The following ITGBL1 variants were observed in gnomAD, a reference collection of about 807,000 sequenced individuals.
ITGBL1 encodes the protein integrin subunit beta like 1.
In ITGBL1, 51 loss-of-function variants were observed where a neutral mutation model predicts 68.5. The observed-to-expected ratio is 0.74, with a 90% CI of 0.59 to 0.94. The LOEUF (loss-of-function observed/expected upper bound fraction) is 0.94. Among genes scored for constraint, ITGBL1 ranks in the 40% least tolerant of loss-of-function variants. The probability of loss-of-function intolerance (pLI) is 0.00; values close to 1 mark genes in which losing one functional copy is unlikely to be tolerated. For synonymous variants in ITGBL1, 209 were observed against 227.3 expected, an observed-to-expected ratio of 0.92 and a Z score of 0.72; for missense variants, 649 against 647.4, an observed-to-expected ratio of 1.00 and a Z score of -0.03.
intron 3 of ITGBL1, among the ~76,000 whole-genome samples, chr13:101,574,801 C>T (rs914587465): frequency 1.4e-4 from 22 of 151,978 alleles, no homozygotes; most frequent in Admixed American, 3.9e-4. Context: ...GCCTCTCTAA[C>T]GTGGAGGTCC....
chr13:101,660,124 A>C (rs989694673), intron 7 of ITGBL1, among the ~76,000 whole-genome samples: 1 of 152,224 alleles, frequency 6.6e-6, no homozygotes, highest in Admixed American at 6.5e-5. Flanking sequence ...AAGTTAATTC[A>C]TGGAGACCAT....
At chr13:101,642,963 G>A (rs2032434234) in intron 7 of ITGBL1, among the ~76,000 whole-genome samples, 2 of 148,630 alleles carry the variant, frequency 1.3e-5, no homozygotes, top group African/African-American at 2.5e-5. Flanking sequence ...TTTGGTTACT[G>A]TAGCCTTGTA....
chr13:101,489,894 G>A, intron 2 of ITGBL1: 1 of 1,019,086 alleles, frequency 9.8e-7, no homozygotes. Context: ...GTGGACTAAA[G>A]GTTAGTGTGA....
intron 2 of ITGBL1, among the ~76,000 whole-genome samples, chr13:101,472,531 T>C (rs1386362316): frequency 6.6e-6 from 1 of 152,218 alleles, no homozygotes; most frequent in African/African-American, 2.4e-5. Context: ...GCAGTCAACA[T>C]ATTATTATTC....
In ITGBL1 at chr13:101,715,870, T is replaced by C. The variant is rs957014460; in HGVS notation, c.*216T>C. 6 of 441,358 alleles carry C rather than the reference T, an allele frequency of 1.4e-5. No homozygotes were observed. The highest frequency in any genetic ancestry group is 2.4e-5 in the Non-Finnish European group (6 of 245,724). 27.3% of individuals were successfully genotyped at this position (441,358 alleles called of 1,614,324 possible). A position where few individuals can be genotyped will look rare whatever the true frequency, so the allele number is the denominator to read the frequency against. On this transcript the variant is annotated 3_prime_UTR_variant, in exon 11 of 11. Coordinates refer to ENST00000376180, the MANE Select transcript of ITGBL1 (RefSeq NM_004791.3). ...TTAGAAAAAAAAGATTCTTCCATAA[T>C]TAACATAAGTGGTTCCTAACGAGAG...
intron 7 of ITGBL1, among the ~76,000 whole-genome samples, chr13:101,655,802 G>A (rs2032903337): frequency 6.6e-6 from 1 of 152,202 alleles, no homozygotes; most frequent in Non-Finnish European, 1.5e-5. Context: ...AATTGGCAAT[G>A]CCCAAAGAGA....
At chr13:101,517,492 A>G (rs2049214468) in intron 2 of ITGBL1, among the ~76,000 whole-genome samples, 1 of 152,198 alleles carries the variant, frequency 6.6e-6, no homozygotes, top group East Asian at 1.9e-4. Context: ...CTGGGATTCA[A>G]CCAGACCTCA....
intron 2 of ITGBL1, among the ~76,000 whole-genome samples, chr13:101,545,584 C>A (rs906841003): frequency 6.6e-6 from 1 of 151,962 alleles, no homozygotes; most frequent in Non-Finnish European, 1.5e-5. Flanking sequence ...TGGGGGAAAA[C>A]AAATATTTTA....
At position 101,604,845 on chromosome 13, in the gene ITGBL1, AATATATATATATATATATATATAT is replaced by A. The variant is rs1555361671; in HGVS notation, c.1015+6566_1015+6589del. Among the ~76,000 whole-genome samples the A allele has an allele frequency of 2.8e-3, 82 of 29,368 alleles. 4 individuals are homozygous for A. The highest frequency in any genetic ancestry group is 8.3e-3 in the African/African-American group (76 of 9,102). The allele number at this position is 29,368 out of a possible 152,430, so 19.3% of individuals were successfully genotyped here. A position where few individuals can be genotyped will look rare whatever the true frequency, so the allele number is the denominator to read the frequency against. On this transcript the variant is annotated intron_variant, in intron 7 of 10. Transcript: ENST00000376180. ...AGTTTGTCAGGGACCAGGTGAAGGC[AATATATATATATATATATATATAT>A]ATATATATATATATATATACACACA...
chr13:101,583,355 A>C lies in ITGBL1; in HGVS notation c.867A>C (p.Ser289=). 1.3e-6 allele frequency: 2 copies of C among 1,517,560 alleles called. No homozygotes were observed. Among genetic ancestry groups the C allele is most frequent in the Non-Finnish European group, 1.8e-6 (2 of 1,131,442 alleles). The allele number at this position is 1,517,560 out of a possible 1,614,324, so 94.0% of individuals were successfully genotyped here. A position where few individuals can be genotyped will look rare whatever the true frequency, so the allele number is the denominator to read the frequency against. Residue 289 remains serine, a splice_region_variant and synonymous_variant, in exon 6 of 11, where the codon TCA becomes TCC. Coordinates refer to ENST00000376180, the MANE Select transcript of ITGBL1 (RefSeq NM_004791.3). The part of the protein sequence containing the change: ...VYDRYSDDFC[S]GHGQCNCGRC... ...ACCGATATTCTGATGACTTCTGTTC[A>C]GGTAAGGGCTCTTCCAATTCCTGTT... is the stretch of plus-strand genomic sequence containing the variant.
chr13:101,715,723 C>A lies in ITGBL1; in HGVS notation c.*69C>A. 1.0e-6 allele frequency: 1 copy of A among 975,438 alleles called. No individual in the cohort carries two copies. Among genetic ancestry groups the A allele is most frequent in the South Asian group, 1.3e-5 (1 of 77,588 alleles). 60.4% of individuals were successfully genotyped at this position (975,438 alleles called of 1,614,324 possible). ...TTAGAACAGATAAATGCGAAGGAAA[C>A]CATGTATATTCACCACTAGGACAGG... On this transcript the variant is annotated 3_prime_UTR_variant, in exon 11 of 11. Transcript: ENST00000376180.
chr13:101,704,484 T>TAAAAAAAAAAAAAAAAAA (rs57687698), intron 8 of ITGBL1, among the ~76,000 whole-genome samples: 1 of 105,370 alleles, frequency 9.5e-6, no homozygotes, highest in East Asian at 3.2e-4. Flanking sequence ...ATTCATTCAG[T>TAAAAAAAAAAAAAAAAAA]AAAAAAAAAA....
chr13:101,694,331 C>T (rs1028082011), intron 8 of ITGBL1, among the ~76,000 whole-genome samples: 13 of 152,084 alleles, frequency 8.5e-5, no homozygotes, highest in South Asian at 2.1e-4. Flanking sequence ...TGTATATATA[C>T]GTATTCATGT....
chr13:101,495,576 C>T (rs1014388013), intron 2 of ITGBL1, among the ~76,000 whole-genome samples: 15 of 152,020 alleles, frequency 9.9e-5, no homozygotes, highest in African/African-American at 3.6e-4. Context: ...CTTCTGGGTC[C>T]CCACACTTTT....
chr13:101,605,714 G>C (rs576825903), intron 7 of ITGBL1, among the ~76,000 whole-genome samples: 128 of 151,466 alleles, frequency 8.5e-4, no homozygotes, highest in African/African-American at 2.9e-3. Context: ...ATGTATGTGC[G>C]TATATGCGTG....
At chr13:101,463,266 C>A (rs983529348) in intron 2 of ITGBL1, among the ~76,000 whole-genome samples, 1 of 152,094 alleles carries the variant, frequency 6.6e-6, no homozygotes, top group African/African-American at 2.4e-5. Flanking sequence ...TGGAATTACT[C>A]TGATAGTCTT....
intron 2 of ITGBL1, among the ~76,000 whole-genome samples, chr13:101,537,271 C>T (rs2049595146): frequency 6.6e-6 from 1 of 151,994 alleles, no homozygotes; most frequent in Non-Finnish European, 1.5e-5. Context: ...CAGGCTATTC[C>T]ATCTCATTTG....
chr13:101,512,009 T>G lies in ITGBL1; in HGVS notation c.317-55690T>G, dbSNP rs116842176. ...TGCAATTTCCTTTTCAGTCTGCAGATTAATTTGAATGTTGTCATTCTAATT... is the reference window on the plus strand; with the variant it reads ...TGCAATTTCCTTTTCAGTCTGCAGAGTAATTTGAATGTTGTCATTCTAATT... On this transcript the variant is annotated intron_variant, in intron 2 of 10. Transcript: ENST00000376180. Among the ~76,000 whole-genome samples, 78 of 152,314 alleles carry G rather than the reference T, an allele frequency of 5.1e-4. No homozygotes were observed. The East Asian group carries it at 0.014, about 27-fold the overall frequency.
chr13:101,584,885 G>A (rs2050525060), intron 6 of ITGBL1, among the ~76,000 whole-genome samples: 1 of 151,754 alleles, frequency 6.6e-6, no homozygotes, highest in African/African-American at 2.4e-5. Context: ...CTCATGAATT[G>A]CAGGAGGCTA....
Sources: allele counts gnomAD v4.1 joint callset (sites outside exome capture counted in the v4.1 genomes callset), GRCh38; gene constraint gnomAD v4.1.1; transcripts MANE v1.5; gene names NCBI Gene and HGNC (gene_info 2026-07-23, HGNC 2026-07-21).